The following TMC5 variants were observed in gnomAD, a reference collection of about 807,000 sequenced individuals.
TMC5 encodes transmembrane channel-like protein 5.
Under a neutral mutation model 110.5 loss-of-function variants are expected in TMC5, and 86 were observed. The observed-to-expected ratio is 0.78, with a 90% CI of 0.65 to 0.93. The LOEUF (loss-of-function observed/expected upper bound fraction) is 0.93, where lower values mean the gene tolerates loss of function less well. Ranked by LOEUF, TMC5 falls within the 40% of genes least tolerant of loss-of-function variation. TMC5 has a pLI of 0.00. For missense variants in TMC5, 1,144 were observed against 1,222.8 expected (o/e 0.94, Z 0.96); for synonymous variants, 455 against 439.5 (o/e 1.04, Z -0.44).
intron 18 of TMC5, among the ~76,000 whole-genome samples, 155 bp from the exon 19 acceptor site, chr16:19,491,995 A>G (rs1968919348): frequency 6.6e-6 from 1 of 152,150 alleles, no homozygotes; most frequent in Non-Finnish European, 1.5e-5. Context: ...GTTCCAATGT[A>G]TTTAACCTAT....
rs67040638 is a variant in TMC5 at position 19,496,887 on chromosome 16, C to CAAAAAAAAAAAAAA, written c.2932-221_2932-208dup. ...TCTAGGAGATAAAGCAAGACTCTGT[C>CAAAAAAAAAAAAAA]AAAAAAAAAAAAAAAAAAAAAAAAA... On this transcript the variant is annotated intron_variant, in intron 20 of 21. Coordinates refer to ENST00000542583, the MANE Select transcript of TMC5 (RefSeq NM_001261841.2). 6.4e-4 allele frequency among the ~76,000 whole-genome samples: 51 copies of CAAAAAAAAAAAAAA among 80,222 alleles called. 2 individuals carry two copies. Among genetic ancestry groups the CAAAAAAAAAAAAAA allele is most frequent in the African/African-American group, 2.6e-3 (51 of 19,396 alleles). 52.6% of individuals were successfully genotyped at this position (80,222 alleles called of 152,430 possible).
At chr16:19,456,484 G>A (rs1967875545) in intron 5 of TMC5, 3 of 1,241,342 alleles carry the variant, frequency 2.4e-6, no homozygotes, top group South Asian at 3.1e-5. Context: ...TCCTTCTCCT[G>A]AGAAAACTCC....
rs142158576 is a variant in TMC5, at chr16:19,459,327, A to G, written c.1049-908A>G. Among the ~76,000 whole-genome samples, 1,016 of 152,284 alleles carry G rather than the reference A, an allele frequency of 6.7e-3. 9 individuals are homozygous for G. Among genetic ancestry groups the G allele is most frequent in the African/African-American group, 0.023 (944 of 41,570 alleles). On this transcript the variant is annotated intron_variant, in intron 5 of 21. Transcript: ENST00000542583. ...GGAGGAAATGAATTTGGGGTAGACA[A>G]TAGCATCTGCCACATTGACTGCAAA... is the stretch of plus-strand genomic sequence containing the variant.
At chr16:19,429,110 G>A (rs188266643) in intron 1 of TMC5, among the ~76,000 whole-genome samples, 8 of 152,280 alleles carry the variant, frequency 5.3e-5, no homozygotes, top group Admixed American at 5.2e-4. Context: ...ACAGGCATGA[G>A]CCACCATGCC....
intron 3 of TMC5, among the ~76,000 whole-genome samples, chr16:19,441,793 T>C (rs1967496440): frequency 6.6e-6 from 1 of 152,164 alleles, no homozygotes; most frequent in Admixed American, 6.5e-5. Flanking sequence ...GTTTTTTATT[T>C]ATTTATTCAT....
At chr16:19,483,260 C>T (rs974185634) in intron 15 of TMC5, among the ~76,000 whole-genome samples, 9 of 152,188 alleles carry the variant, frequency 5.9e-5, no homozygotes, top group African/African-American at 2.2e-4. Flanking sequence ...TGAGCTCAGG[C>T]AATCTTCCTG....
In TMC5 at chr16:19,460,573, G is replaced by A. The variant is rs1171207327; in HGVS notation, c.1148+239G>A. On this transcript the variant is annotated intron_variant, in intron 6 of 21. Transcript: ENST00000542583. ...TGAGCTGCTTTCCAAAGAGTAGGGC[G>A]TGGAAGGAAGAGAGGGGTGTAACTT... Among the ~76,000 whole-genome samples, 9 of 152,286 alleles carry A rather than the reference G, an allele frequency of 5.9e-5. No homozygotes were observed. In the East Asian group the frequency reaches 1.4e-3, roughly 23 times the overall value.
At chr16:19,492,923 T>TATATATATATATATATAG (rs1273012455) in intron 19 of TMC5, among the ~76,000 whole-genome samples, 1 of 113,470 alleles carries the variant, frequency 8.8e-6, no homozygotes, top group Non-Finnish European at 2.0e-5. Context: ...TAGATATATA[T>TATATATATATATATATAG]ATATATATAT....
At chr16:19,411,498 T>C (rs1381874430) in intron 1 of TMC5, 1 of 152,174 alleles carries the variant, frequency 6.6e-6, no homozygotes, top group South Asian at 2.1e-4. Flanking sequence ...AGCAATTAAA[T>C]GGAAACTGTG....
intron 1 of TMC5, among the ~76,000 whole-genome samples, chr16:19,426,893 G>T (rs761707869): frequency 6.6e-6 from 1 of 152,076 alleles, no homozygotes; most frequent in African/African-American, 2.4e-5. Context: ...TGGGAAACCC[G>T]ATAAAAAGCT....
intron 1 of TMC5, among the ~76,000 whole-genome samples, chr16:19,421,188 A>AT (rs1039071066): frequency 3.3e-5 from 5 of 151,434 alleles, no homozygotes; most frequent in South Asian, 4.2e-4. Context: ...GAACATGTTG[A>AT]TTTTTTTTTC....
rs180773462 is a variant in TMC5, at chr16:19,487,941, T to C, written c.2573+615T>C. 2.4e-3 allele frequency: 363 copies of C among 152,712 alleles called. 1 individual carries two copies. The highest frequency in any genetic ancestry group is 4.4e-3 in the Non-Finnish European group (300 of 68,350). The allele number at this position is 152,712 out of a possible 1,614,324, so 9.5% of individuals were successfully genotyped here. On this transcript the variant is annotated intron_variant, in intron 17 of 21. Transcript: ENST00000542583. ...GGCTAGAGGCTTTATTGTGGTTTTC[T>C]ATGGTAAGGAATGGGCAAGGCAGGG...
At chr16:19,417,165 T>C (rs1321654248), upstream of TMC5, among the ~76,000 whole-genome samples, 2 of 148,666 alleles carry the variant, frequency 1.3e-5, no homozygotes, top group Non-Finnish European at 3.0e-5. Flanking sequence ...ACGCCTGTAA[T>C]CTCAGCAGTT....
chr16:19,491,447 C>G (rs1968902351), intron 18 of TMC5, among the ~76,000 whole-genome samples: 1 of 151,688 alleles, frequency 6.6e-6, no homozygotes, highest in Admixed American at 6.6e-5. Context: ...GATCGTGCCA[C>G]TGCACTCCAG....
Position 19,486,936 on chromosome 16 carries a change from C to T in TMC5, c.2364-9C>T. ...CCAGCCTCTGACACTCACCCTCTCT[C>T]CCTCACAGGATTGGCATCTTCTTCT... On this transcript the variant is annotated splice_polypyrimidine_tract_variant and intron_variant, in intron 15 of 21. Coordinates refer to ENST00000542583, the MANE Select transcript of TMC5 (RefSeq NM_001261841.2). The T allele has an allele frequency of 6.2e-7, 1 of 1,613,560 alleles. No homozygotes were observed. The highest frequency in any genetic ancestry group is 1.1e-5 in the South Asian group (1 of 91,068).
chr16:19,459,952 G>T (rs1967979481), intron 5 of TMC5, among the ~76,000 whole-genome samples: 1 of 150,410 alleles, frequency 6.6e-6, no homozygotes. Flanking sequence ...AAGAGGTAGG[G>T]TGACCAAACA....
At chr16:19,491,832 G>A (rs1010932292) in intron 18 of TMC5, among the ~76,000 whole-genome samples, 17 of 135,742 alleles carry the variant, frequency 1.3e-4, no homozygotes, top group African/African-American at 4.5e-4. Flanking sequence ...CCACCGTGCT[G>A]GGTCATCTTA....
At chr16:19,432,404 G>GAAAC (rs10649817) in intron 2 of TMC5, among the ~76,000 whole-genome samples, 129,147 of 151,736 alleles carry the variant, frequency 0.85, 55,148 homozygotes, top group South Asian at 0.92. Flanking sequence ...AGGTGCTAGA[G>GAAAC]AAAAACCAGG....
At chr16:19,447,152 G>T (rs1184804622) in intron 4 of TMC5, among the ~76,000 whole-genome samples, 2 of 152,140 alleles carry the variant, frequency 1.3e-5, no homozygotes, top group African/African-American at 4.8e-5. Flanking sequence ...GGTCTGCAAG[G>T]TTGGTTGGCA....
Sources: gnomAD v4.1 joint callset for allele counts (sites outside exome capture counted in the v4.1 genomes callset) on GRCh38, gnomAD v4.1.1 for gene constraint, MANE v1.5 for transcripts, NCBI Gene and HGNC (gene_info 2026-07-23, HGNC 2026-07-21) for gene names.